EFCAB8: variants seen among roughly 807,000 people sequenced by gnomAD.
EFCAB8 encodes EF-hand calcium binding domain 8, also known as EF-hand calcium-binding domain-containing protein 8.
In EFCAB8, 100 loss-of-function variants were observed where a neutral mutation model predicts 116.3. The ratio of observed to expected loss-of-function variants is 0.86; its 90% CI spans 0.73 to 1.02. The LOEUF (loss-of-function observed/expected upper bound fraction) is 1.02, where lower values mean the gene tolerates loss of function less well. Among genes scored for constraint, EFCAB8 ranks in the 50% least tolerant of loss-of-function variants. The pLI, the probability that EFCAB8 is intolerant of heterozygous loss-of-function variation, is 0.00. For missense variants in EFCAB8, 1,320 were observed against 1,416.9 expected (o/e 0.93, Z 1.10); for synonymous variants, 558 against 567.9 (o/e 0.98, Z 0.25).
intron 9 of EFCAB8, among the ~76,000 whole-genome samples, chr20:32,894,027 G>A (rs1986045117): frequency 1.3e-5 from 2 of 152,196 alleles, no homozygotes; most frequent in South Asian, 2.1e-4. Flanking sequence ...TTAATAGCAG[G>A]AGGAAGTCAT....
intron 1 of EFCAB8, among the ~76,000 whole-genome samples, chr20:32,860,478 C>A (rs546429623): frequency 7.2e-6 from 1 of 139,782 alleles, no homozygotes; most frequent in Non-Finnish European, 1.5e-5. Flanking sequence ...TTTGTTCCAT[C>A]GCTGATGGTG....
At chr20:32,911,759 C>T in intron 16 of EFCAB8, 52 bp downstream of exon 16, 3 of 1,512,820 alleles carry the variant, frequency 2.0e-6, no homozygotes, top group Non-Finnish European at 2.7e-6. Flanking sequence ...GGAAGCAAAG[C>T]ACAGCTCCTT....
At position 32,959,830 on chromosome 20, in the gene EFCAB8, G is replaced by T; in HGVS notation, c.3142G>T (p.Ala1048Ser). 1 of 1,542,086 alleles carries T rather than the reference G, an allele frequency of 6.5e-7. No individual in the cohort carries two copies. Among genetic ancestry groups the T allele is most frequent in the Non-Finnish European group, 8.8e-7 (1 of 1,141,124 alleles). ...ALIYQRREQA[A>S]LMALLHGKAD... is the part of the protein sequence containing the mutation. ...GATATACCAGCGGCGAGAGCAGGCG[G>T]CGCTGATGGCTCTCCTGCATGGGAA... The change falls in exon 25 of 27, where the codon GCG becomes TCG. Residue 1048 changes from alanine (A) to serine (S), a missense_variant. Ala to Ser is a moderately conservative substitution (Grantham distance 99). Coordinates refer to ENST00000400522, the MANE Select transcript of EFCAB8 (RefSeq NM_001143967.2).
intron 11 of EFCAB8, among the ~76,000 whole-genome samples, chr20:32,903,026 G>T (rs1986502195): frequency 6.6e-6 from 1 of 152,184 alleles, no homozygotes; most frequent in Non-Finnish European, 1.5e-5. Context: ...CCTCTTAGCA[G>T]CCTCACCGTG....
chr20:32,898,145 C>G (rs974753179), intron 10 of EFCAB8, among the ~76,000 whole-genome samples: 3 of 152,246 alleles, frequency 2.0e-5, no homozygotes, highest in African/African-American at 7.2e-5. Flanking sequence ...AGGGGGCTCC[C>G]TGTGGATAAC....
chr20:32,919,978 T>C, intron 19 of EFCAB8, 100 bp from the exon 20 acceptor site: 2 of 1,469,912 alleles, frequency 1.4e-6, no homozygotes, highest in South Asian at 1.2e-5. Flanking sequence ...CTGCGGGGGC[T>C]TGGGAGTGCC....
chr20:32,863,739 C>T (rs1568894466), intron 1 of EFCAB8, 44 bp from the exon 2 acceptor site: 1 of 1,541,200 alleles, frequency 6.5e-7, no homozygotes, highest in East Asian at 2.5e-5. Flanking sequence ...CCACGTGGTC[C>T]TTACAACGAC....
At chr20:32,949,790 G>A (rs1252156510) in intron 23 of EFCAB8, among the ~76,000 whole-genome samples, 1 of 152,238 alleles carries the variant, frequency 6.6e-6, no homozygotes, top group Admixed American at 6.5e-5. Context: ...CTTGAGGCCA[G>A]AAGTTCGAGA....
At position 32,893,314 on chromosome 20, in the gene EFCAB8, G is replaced by T. The variant is rs1423526519; in HGVS notation, c.883+16G>T. On this transcript the variant is annotated intron_variant, in intron 9 of 26. Transcript: ENST00000400522. ...TCCAAGTGGGGTAGCTAAGATGCTG[G>T]GGAAGGGGGCAGAGGCCTGGGCATG... The T allele has an allele frequency of 6.4e-7, 1 of 1,551,666 alleles. No individual in the cohort carries two copies. The highest frequency in any genetic ancestry group is 8.7e-7 in the Non-Finnish European group (1 of 1,146,970).
In EFCAB8 at chr20:32,943,728, G is replaced by A; in HGVS notation, c.2883G>A (p.Val961=). ...HLNSVADILY[V]DNFQLVISAG... is the part of the protein sequence containing the mutation. Reference sequence around the variant, plus strand: ...ATAGTGTGGCAGACATCCTGTATGTGGACAACTTCCAGCTGGTTATCAGCG... The same window carrying A: ...ATAGTGTGGCAGACATCCTGTATGTAGACAACTTCCAGCTGGTTATCAGCG... The change falls in exon 23 of 27, where the codon GTG becomes GTA. Residue 961 remains valine (V), a synonymous_variant. Coordinates refer to ENST00000400522, the MANE Select transcript of EFCAB8 (RefSeq NM_001143967.2). 2.4e-6 allele frequency: 1 copy of A among 416,904 alleles called. No individual in the cohort carries two copies. Among genetic ancestry groups the A allele is most frequent in the East Asian group, 3.6e-5 (1 of 28,088 alleles). 25.8% of individuals were successfully genotyped at this position (416,904 alleles called of 1,614,324 possible).
At position 32,929,385 on chromosome 20, in the gene EFCAB8, C is replaced by T. The variant is rs980775943; in HGVS notation, c.2413-1013C>T. On this transcript the variant is annotated intron_variant, in intron 20 of 26. Coordinates refer to ENST00000400522, the MANE Select transcript of EFCAB8 (RefSeq NM_001143967.2). ...GGGAAGCAGGTTGAACAACTAATTT[C>T]GGATTTCTACAACAATAAGGATAAT... Among the ~76,000 whole-genome samples, 20 of 151,946 alleles carry T rather than the reference C, an allele frequency of 1.3e-4. 1 individual carries two copies. In the East Asian group the frequency reaches 3.5e-3, roughly 26 times the overall value.
chr20:32,923,673 G>C (rs1453340437), intron 20 of EFCAB8, among the ~76,000 whole-genome samples: 2 of 152,102 alleles, frequency 1.3e-5, no homozygotes, highest in African/African-American at 2.4e-5. Flanking sequence ...TATAAATCTA[G>C]ATATTTTTCA....
Position 32,908,348 on chromosome 20 carries a change from A to G in EFCAB8, c.1382A>G (p.Asn461Ser), listed in dbSNP as rs1986773773. 8.0e-7 allele frequency: 1 copy of G among 1,249,888 alleles called. No homozygotes were observed. 77.4% of individuals were successfully genotyped at this position (1,249,888 alleles called of 1,614,324 possible). Reference protein sequence around the residue: ...SFCGKFFALGNCPITSAYFFE... With the variant: ...SFCGKFFALGSCPITSAYFFE... ...TGTGGGAAGTTTTTTGCTCTGGGAAACTGCCCCATCACCAGTGCCTACTTC... is the reference window on the plus strand; with the variant it reads ...TGTGGGAAGTTTTTTGCTCTGGGAAGCTGCCCCATCACCAGTGCCTACTTC... The change falls in exon 14 of 27, where the codon AAC (asparagine) becomes AGC (serine). Residue 461 changes from asparagine to serine, a missense_variant. Asn to Ser is a conservative substitution (Grantham distance 46). Transcript: ENST00000400522.
intron 13 of EFCAB8, among the ~76,000 whole-genome samples, chr20:32,907,412 GGCT>G (rs1365122823): frequency 2.0e-5 from 3 of 152,186 alleles, no homozygotes; most frequent in Non-Finnish European, 4.4e-5. Context: ...ACCCCTCCTC[GGCT>G]GCCTGGCCAT....
intron 20 of EFCAB8, among the ~76,000 whole-genome samples, chr20:32,927,441 T>C (rs938736616): frequency 6.6e-6 from 1 of 152,140 alleles, no homozygotes; most frequent in Non-Finnish European, 1.5e-5. Context: ...GCCTCCCAAG[T>C]ACCAGCAATT....
intron 22 of EFCAB8, among the ~76,000 whole-genome samples, chr20:32,936,482 A>AT (rs1361271510): frequency 6.6e-6 from 1 of 151,976 alleles, no homozygotes; most frequent in Admixed American, 6.6e-5. Flanking sequence ...TTTTGAGTTG[A>AT]TTTTTTATAC....
intron 16 of EFCAB8, 64 bp downstream of exon 16, chr20:32,911,771 G>A: frequency 4.0e-6 from 6 of 1,481,892 alleles, no homozygotes; most frequent in Non-Finnish European, 5.5e-6. Context: ...CAGCTCCTTT[G>A]ACCCTGGGAT....
chr20:32,908,246 C>T, intron 13 of EFCAB8, 29 bp from the exon 14 acceptor site: 7 of 1,249,490 alleles, frequency 5.6e-6, no homozygotes, highest in Non-Finnish European at 6.1e-6. Flanking sequence ...GACCCATGCT[C>T]AGCGTCTTGC....
At chr20:32,912,443 A>G (rs895840847) in intron 16 of EFCAB8, among the ~76,000 whole-genome samples, 4 of 130,246 alleles carry the variant, frequency 3.1e-5, no homozygotes, top group South Asian at 2.4e-4. Flanking sequence ...AAAAAAAAAA[A>G]AAGAAGAAGA....
Sources: allele counts gnomAD v4.1 joint callset (sites outside exome capture counted in the v4.1 genomes callset), GRCh38; gene constraint gnomAD v4.1.1; transcripts MANE v1.5; gene names NCBI Gene and HGNC (gene_info 2026-07-23, HGNC 2026-07-21).